Variants in NBEA observed in about 807,000 individuals in gnomAD.
The protein encoded by NBEA is lysosomal-trafficking regulator 2.
In NBEA, 44 loss-of-function variants were observed where a neutral mutation model predicts 343.4. The ratio of observed to expected loss-of-function variants is 0.13; its 90% CI spans 0.10 to 0.16. The LOEUF is 0.16. NBEA is among the 10% of genes least tolerant of loss of function. The probability of loss-of-function intolerance (pLI) is 1.00; values close to 1 mark genes in which losing one functional copy is unlikely to be tolerated. For missense variants in NBEA, 2,555 were observed against 3,631.3 expected (o/e 0.70, Z 7.62); for synonymous variants, 1,175 against 1,238.7 (o/e 0.95, Z 1.08).
Position 35,130,630 on chromosome 13 carries a change from T to A in NBEA, c.2336+7056T>A, listed in dbSNP as rs1348602. 5.3e-3 allele frequency among the ~76,000 whole-genome samples: 797 copies of A among 151,616 alleles called. 2 individuals are homozygous for A. Among genetic ancestry groups the A allele is most frequent in the Non-Finnish European group, 8.4e-3 (566 of 67,782 alleles). On this transcript the variant is annotated intron_variant, in intron 17 of 58. Transcript: ENST00000379939. ...ATTTTACAAATTTTAACATATTTTTTTCCTTAGAAGATCAATTACAAAAAA... is the reference window on the plus strand; with the variant it reads ...ATTTTACAAATTTTAACATATTTTTATCCTTAGAAGATCAATTACAAAAAA...
At chr13:34,992,802 A>G (rs913083112) in intron 1 of NBEA, among the ~76,000 whole-genome samples, 2 of 150,794 alleles carry the variant, frequency 1.3e-5, no homozygotes, top group African/African-American at 4.9e-5. Flanking sequence ...CCTCCTGAGT[A>G]GCTGGGACTA....
chr13:35,182,301 T>C, intron 28 of NBEA, 59 bp from the exon 29 acceptor site: 1 of 1,506,428 alleles, frequency 6.6e-7, no homozygotes, highest in Non-Finnish European at 8.9e-7. Flanking sequence ...TTTCTAGTGC[T>C]TTAAGAACTT....
In NBEA at chr13:35,187,327, T is replaced by A. The variant is rs532453421; in HGVS notation, c.4927+3256T>A. ...TGTAATCCCTTAGTTCAGACTCAAA[T>A]CCCTTCTTGAAGTATTGCCATAGTT... On this transcript the variant is annotated intron_variant, in intron 30 of 58. Coordinates refer to ENST00000379939, the MANE Select transcript of NBEA (RefSeq NM_001385012.1). 1.2e-4 allele frequency among the ~76,000 whole-genome samples: 18 copies of A among 151,970 alleles called. No individual in the cohort carries two copies. The South Asian group carries it at 3.5e-3, about 30-fold the overall frequency.
rs148930278 is a variant in NBEA at position 35,592,492 on chromosome 13, C to T, written c.7177-836C>T. Reference sequence around the variant, plus strand: ...TTGCTATTTGAGCATACTGGAGAGCCGTGGTAGCGCAAGGAAAGTTTTTCA... The same window carrying T: ...TTGCTATTTGAGCATACTGGAGAGCTGTGGTAGCGCAAGGAAAGTTTTTCA... On this transcript the variant is annotated intron_variant, in intron 46 of 58. Transcript: ENST00000379939. Among the ~76,000 whole-genome samples the T allele has an allele frequency of 5.9e-5, 9 of 152,114 alleles. 1 individual carries two copies. The highest frequency in any genetic ancestry group is 1.9e-4 in the East Asian group (1 of 5,188).
intron 1 of NBEA, among the ~76,000 whole-genome samples, chr13:34,960,527 G>T (rs1166128608): frequency 6.6e-6 from 1 of 152,000 alleles, no homozygotes; most frequent in Non-Finnish European, 1.5e-5. Context: ...GACTCACCCA[G>T]AGCAACTTCC....
At chr13:35,331,586 A>G (rs1196083154) in intron 36 of NBEA, among the ~76,000 whole-genome samples, 1 of 152,038 alleles carries the variant, frequency 6.6e-6, no homozygotes, top group East Asian at 1.9e-4. Flanking sequence ...GTTTATATTT[A>G]AAATGCAAGA....
chr13:35,195,290 T>G (rs1445374790), intron 30 of NBEA, among the ~76,000 whole-genome samples: 1 of 152,188 alleles, frequency 6.6e-6, no homozygotes, highest in Non-Finnish European at 1.5e-5. Flanking sequence ...TATTTCCTGA[T>G]GCTTTTGAAG....
chr13:35,141,439 G>T (rs1009688907), intron 17 of NBEA, among the ~76,000 whole-genome samples: 1 of 151,988 alleles, frequency 6.6e-6, no homozygotes, highest in African/African-American at 2.4e-5. Context: ...GCTAATTTTT[G>T]TATTTTTAGT....
chr13:35,002,714 A>G (rs1323382535), intron 1 of NBEA, among the ~76,000 whole-genome samples: 1 of 152,186 alleles, frequency 6.6e-6, no homozygotes, highest in Non-Finnish European at 1.5e-5. Flanking sequence ...TACAATCAAC[A>G]CATCTTTTGC....
intron 34 of NBEA, among the ~76,000 whole-genome samples, chr13:35,264,867 C>T (rs2033536371): frequency 6.6e-6 from 1 of 151,584 alleles, no homozygotes; most frequent in African/African-American, 2.4e-5. Context: ...TTCTGTTCAA[C>T]GTAGTAGAAG....
At chr13:35,086,089 C>G (rs1192617584) in intron 10 of NBEA, among the ~76,000 whole-genome samples, 2 of 152,018 alleles carry the variant, frequency 1.3e-5, no homozygotes, top group African/African-American at 2.4e-5. Flanking sequence ...AGGATACAAA[C>G]AAATGGAAGA....
At chr13:35,294,079 A>G (rs1439800674) in intron 35 of NBEA, among the ~76,000 whole-genome samples, 1 of 152,070 alleles carries the variant, frequency 6.6e-6, no homozygotes, top group Non-Finnish European at 1.5e-5. Context: ...GCATCTGTGT[A>G]TGAAGTCACT....
At chr13:35,575,263 T>C (rs1297363879) in intron 45 of NBEA, among the ~76,000 whole-genome samples, 2 of 152,202 alleles carry the variant, frequency 1.3e-5, no homozygotes, top group African/African-American at 4.8e-5. Flanking sequence ...GTTCATCTGA[T>C]GACAAAAGGC....
chr13:35,206,488 G>A (rs1050614959), intron 31 of NBEA, among the ~76,000 whole-genome samples: 17 of 152,054 alleles, frequency 1.1e-4, no homozygotes, highest in African/African-American at 4.1e-4. Flanking sequence ...TTTTCTTGCT[G>A]GAGAGTCAAT....
intron 35 of NBEA, among the ~76,000 whole-genome samples, chr13:35,294,132 A>G (rs1468979571): frequency 1.3e-5 from 2 of 151,994 alleles, no homozygotes; most frequent in African/African-American, 4.8e-5. Context: ...ACTTTTTTCT[A>G]AATACCTCAT....
chr13:35,492,422 G>A (rs2076534559), intron 41 of NBEA, among the ~76,000 whole-genome samples: 2 of 151,816 alleles, frequency 1.3e-5, no homozygotes, highest in African/African-American at 2.4e-5. Flanking sequence ...AAATTTTAAA[G>A]GTATTTGAAC....
intron 34 of NBEA, among the ~76,000 whole-genome samples, chr13:35,288,348 G>A (rs890707675): frequency 2.6e-5 from 4 of 151,676 alleles, no homozygotes; most frequent in East Asian, 1.9e-4. Context: ...TCAATGTCAC[G>A]TTTAGTTCTT....
chr13:35,342,272 T>G (rs1220833949), intron 36 of NBEA, among the ~76,000 whole-genome samples: 2 of 152,124 alleles, frequency 1.3e-5, no homozygotes, highest in Non-Finnish European at 2.9e-5. Context: ...TAGACTTATA[T>G]AGTTCGTGGT....
Position 35,048,684 on chromosome 13 carries a change from G to C in NBEA, c.845G>C (p.Cys282Ser). The C allele has an allele frequency of 7.7e-7, 1 of 1,299,364 alleles. No homozygotes were observed. The highest frequency in any genetic ancestry group is 1.1e-6 in the Non-Finnish European group (1 of 925,092). The allele number at this position is 1,299,364 out of a possible 1,614,324, so 80.5% of individuals were successfully genotyped here. A position where few individuals can be genotyped will look rare whatever the true frequency, so the allele number is the denominator to read the frequency against. ...NVDKDKPYLY[C>S]FRTSKGVGYS... ...GATAAGGATAAACCTTATCTTTATT[G>C]GTAAGTAATATGTTTAATTTTAGTA... is the stretch of plus-strand genomic sequence containing the variant. Residue 282 changes from cysteine (C) to serine (S), a missense_variant and splice_region_variant, in exon 5 of 59, where the codon TGT (cysteine) becomes TCT (serine). By Grantham distance (112) the Cys-to-Ser change is moderately radical. This residue lies in a region of NBEA where 185 missense variants were observed against 290.6 expected (regional missense o/e 0.64). Coordinates refer to ENST00000379939, the MANE Select transcript of NBEA (RefSeq NM_001385012.1).
Sources: gnomAD v4.1 joint callset for allele counts (sites outside exome capture counted in the v4.1 genomes callset) on GRCh38, gnomAD v4.1.1 for gene constraint, gnomAD v4.1.1 regional missense constraint, MANE v1.5 for transcripts, NCBI Gene and HGNC (gene_info 2026-07-23, HGNC 2026-07-21) for gene names.